DPH6: variants seen among roughly 807,000 people sequenced by gnomAD.
DPH6 encodes the protein diphthine--ammonia ligase.
A neutral mutation model predicts 38.2 loss-of-function variants in DPH6; 33 were observed. That is an observed-to-expected ratio of 0.86 (90% CI 0.65 to 1.15). The LOEUF (loss-of-function observed/expected upper bound fraction) is 1.15, where lower values mean the gene tolerates loss of function less well. DPH6 is among the 50% of genes most tolerant of loss of function. The pLI is 0.00. For synonymous variants in DPH6, 108 were observed against 103.0 expected (o/e 1.05, Z -0.30); for missense variants, 325 against 320.0 (o/e 1.02, Z -0.12).
chr15:35,500,939 C>T (rs10220772), intron 3 of DPH6, among the ~76,000 whole-genome samples: 14,094 of 152,064 alleles, frequency 0.093, 903 homozygotes, highest in African/African-American at 0.18. Context: ...TGGGGTTTCA[C>T]CATGTTGGCT....
intron 6 of DPH6, among the ~76,000 whole-genome samples, chr15:35,400,199 A>T (rs1022949266): frequency 6.6e-6 from 1 of 152,236 alleles, no homozygotes; most frequent in Non-Finnish European, 1.5e-5. Flanking sequence ...AAATGAAACA[A>T]GACAATTATT....
At chr15:35,508,785 T>C (rs562245880) in intron 3 of DPH6, among the ~76,000 whole-genome samples, 10 of 152,246 alleles carry the variant, frequency 6.6e-5, no homozygotes, top group African/African-American at 2.2e-4. Flanking sequence ...GAAAAGACCA[T>C]CCCTTTAGGG....
At chr15:35,437,285 G>A (rs2053729090) in intron 5 of DPH6, among the ~76,000 whole-genome samples, 1 of 151,978 alleles carries the variant, frequency 6.6e-6, no homozygotes, top group Admixed American at 6.6e-5. Flanking sequence ...CTGAGTCCTG[G>A]GGCTCCTTTG....
chr15:35,447,459 T>C (rs1430074347), intron 5 of DPH6, among the ~76,000 whole-genome samples: 1 of 152,120 alleles, frequency 6.6e-6, no homozygotes, highest in Non-Finnish European at 1.5e-5. Context: ...TTTCCATCTA[T>C]TACCTGTTTT....
the DPH6 span, among the ~76,000 whole-genome samples, chr15:35,207,037 G>GT: frequency 1.5e-5 from 1 of 64,798 alleles, no homozygotes; most frequent in Non-Finnish European, 4.0e-5. Flanking sequence ...ATTTAGTAAA[G>GT]CTTTTTTTTT....
the DPH6 span, among the ~76,000 whole-genome samples, chr15:35,185,874 G>T: frequency 6.6e-6 from 1 of 151,226 alleles, no homozygotes; most frequent in Admixed American, 6.6e-5. Flanking sequence ...CTGGGACTAC[G>T]GGCGCCCGCC....
At chr15:35,357,010 C>T (rs894057573) in intron 3 of DPH6, among the ~76,000 whole-genome samples, 4 of 152,170 alleles carry the variant, frequency 2.6e-5, no homozygotes, top group East Asian at 1.9e-4. Context: ...GCCTCTCTGC[C>T]GCCTTGCAGT....
chr15:35,249,130 CG>C (rs147522674), intron 3 of DPH6, among the ~76,000 whole-genome samples: 1,678 of 152,196 alleles, frequency 0.011, 36 homozygotes, highest in African/African-American at 0.039. Flanking sequence ...GTTAATATAG[CG>C]GCTGGACACA....
chr15:35,415,364 T>C (rs2053423286), intron 5 of DPH6, among the ~76,000 whole-genome samples: 1 of 151,946 alleles, frequency 6.6e-6, no homozygotes, highest in Non-Finnish European at 1.5e-5. Flanking sequence ...TATGTACGAG[T>C]CTGGAAGTAA....
intron 2 of DPH6, among the ~76,000 whole-genome samples, chr15:35,538,961 T>C (rs1427359870): frequency 2.0e-5 from 3 of 152,092 alleles, no homozygotes; most frequent in Non-Finnish European, 4.4e-5. Flanking sequence ...TATATTCAGA[T>C]ATTCAGGACC....
intron 3 of DPH6, among the ~76,000 whole-genome samples, chr15:35,313,240 A>C (rs868575060): frequency 1.4e-5 from 2 of 142,436 alleles, no homozygotes; most frequent in Non-Finnish European, 3.1e-5. Context: ...TTAAAAAAAA[A>C]TTTTTTTTTT....
intron 3 of DPH6, among the ~76,000 whole-genome samples, chr15:35,526,658 C>T (rs2055007746): frequency 6.6e-6 from 1 of 152,126 alleles, no homozygotes; most frequent in Non-Finnish European, 1.5e-5. Flanking sequence ...TCTGAATTTT[C>T]TAAACTTGGT....
At chr15:35,306,784 GT>G (rs1378818754) in intron 3 of DPH6, among the ~76,000 whole-genome samples, 1 of 152,054 alleles carries the variant, frequency 6.6e-6, no homozygotes, top group African/African-American at 2.4e-5. Context: ...GGTCACTATG[GT>G]TTCCAGAACC....
At chr15:35,178,849 T>A in the DPH6 span, among the ~76,000 whole-genome samples, 6 of 151,946 alleles carry the variant, frequency 3.9e-5, no homozygotes, top group Admixed American at 6.6e-5. Flanking sequence ...AGAGAATACA[T>A]CCAACATATT....
intron 3 of DPH6, among the ~76,000 whole-genome samples, chr15:35,360,824 T>C (rs921069037): frequency 2.6e-5 from 4 of 151,946 alleles, no homozygotes; most frequent in Non-Finnish European, 5.9e-5. Context: ...CTATGGTAGA[T>C]TGGGGCTAGA....
chr15:35,456,406 G>A (rs1179884991), intron 3 of DPH6, among the ~76,000 whole-genome samples: 1 of 149,588 alleles, frequency 6.7e-6, no homozygotes, highest in South Asian at 2.1e-4. Context: ...AGAGATCATG[G>A]AAACAAAGAC....
At position 35,372,139 on chromosome 15, in the gene DPH6, CA is replaced by C; in HGVS notation, c.*10del. 1 of 1,513,084 alleles carries C rather than the reference CA, an allele frequency of 6.6e-7. No homozygotes were observed. The highest frequency in any genetic ancestry group is 2.5e-5 in the East Asian group (1 of 39,286). The allele number at this position is 1,513,084 out of a possible 1,614,324, so 93.7% of individuals were successfully genotyped here. A position where few individuals can be genotyped will look rare whatever the true frequency, so the allele number is the denominator to read the frequency against. On this transcript the variant is annotated 3_prime_UTR_variant, in exon 9 of 9. Transcript: ENST00000256538. ...AATGGTGGTTTAATGAACAATGTTCCAAAACACTTTTCAAAAATTATATATA... is the reference window on the plus strand; with the variant it reads ...AATGGTGGTTTAATGAACAATGTTCCAAACACTTTTCAAAAATTATATATA...
intron 3 of DPH6, chr15:35,522,288 G>C (rs2054933600): frequency 6.2e-7 from 1 of 1,611,130 alleles, no homozygotes; most frequent in Non-Finnish European, 8.5e-7. Context: ...CCTGGAAATG[G>C]GAAATTAGGA....
At chr15:35,460,518 G>A (rs1017384682) in intron 3 of DPH6, among the ~76,000 whole-genome samples, 1 of 152,178 alleles carries the variant, frequency 6.6e-6, no homozygotes, top group Non-Finnish European at 1.5e-5. Flanking sequence ...CACTATAAAT[G>A]ATGATATATA....
Sources: allele counts gnomAD v4.1 joint callset (sites outside exome capture counted in the v4.1 genomes callset), GRCh38; gene constraint gnomAD v4.1.1; transcripts MANE v1.5; gene names NCBI Gene and HGNC (gene_info 2026-07-23, HGNC 2026-07-21).